Variants in RBKS observed in about 807,000 individuals in gnomAD.
RBKS encodes the protein ribokinase.
A neutral mutation model predicts 33.9 loss-of-function variants in RBKS; 33 were observed. The ratio of observed to expected loss-of-function variants is 0.97; its 90% CI spans 0.74 to 1.30. The LOEUF (loss-of-function observed/expected upper bound fraction) is 1.30. Ranked by LOEUF, RBKS falls within the 50% of genes most tolerant of loss-of-function variation. The pLI, the probability that RBKS is intolerant of heterozygous loss-of-function variation, is 0.00. For synonymous variants in RBKS, 125 were observed against 143.0 expected, an observed-to-expected ratio of 0.87 and a Z score of 0.90; for missense variants, 361 against 392.6, an observed-to-expected ratio of 0.92 and a Z score of 0.68.
chr2:27,791,613 TACACACACACACAC>T (rs59707075), intron 7 of RBKS, among the ~76,000 whole-genome samples: 1 of 140,968 alleles, frequency 7.1e-6, no homozygotes, highest in Non-Finnish European at 1.5e-5. Flanking sequence ...ATAATAAATC[TACACACACACACAC>T]ACACACACAC....
At chr2:27,862,240 G>A (rs1431116934) in intron 1 of RBKS, among the ~76,000 whole-genome samples, 5 of 152,032 alleles carry the variant, frequency 3.3e-5, no homozygotes, top group South Asian at 2.1e-4. Flanking sequence ...GTGAGCCACC[G>A]TGCCTGGCTG....
At chr2:27,831,209 G>A (rs1678408383) in intron 6 of RBKS, among the ~76,000 whole-genome samples, 1 of 151,682 alleles carries the variant, frequency 6.6e-6, no homozygotes, top group African/African-American at 2.4e-5. Context: ...CATTTTGGAG[G>A]TATTTTATTA....
intron 1 of RBKS, among the ~76,000 whole-genome samples, chr2:27,878,365 A>AT (rs1374834352): frequency 6.6e-6 from 1 of 150,982 alleles, no homozygotes; most frequent in African/African-American, 2.4e-5. Flanking sequence ...TGAACTCATC[A>AT]TTTTTTATGG....
At position 27,810,013 on chromosome 2, in the gene RBKS, T is replaced by C. The variant is rs774817927; in HGVS notation, c.795+17554A>G. On this transcript the variant is annotated intron_variant, in intron 7 of 7. Transcript: ENST00000302188. This position sits in a 1 kb window ranked among gnomAD's most constrained non-coding sequence, Gnocchi z 4.4. The stretch of plus-strand genomic sequence containing the variant: ...AATGTTTCTGCTTCTTCACACTTGC[T>C]GCTTCACTCTTGGGTCTTGAGCCAG... 1 of 1,304,344 alleles carries C rather than the reference T, an allele frequency of 7.7e-7. No individual in the cohort carries two copies. Among genetic ancestry groups the C allele is most frequent in the South Asian group, 1.2e-5 (1 of 81,024 alleles). 80.8% of individuals were successfully genotyped at this position (1,304,344 alleles called of 1,614,324 possible). A position where few individuals can be genotyped will look rare whatever the true frequency, so the allele number is the denominator to read the frequency against.
At chr2:27,785,936 G>A (rs934867728) in intron 7 of RBKS, among the ~76,000 whole-genome samples, 16 of 152,190 alleles carry the variant, frequency 1.1e-4, no homozygotes, top group African/African-American at 3.4e-4. Flanking sequence ...CCATCTGATT[G>A]TCTATCAAAT....
chr2:27,833,518 A>G (rs1678463888), intron 5 of RBKS, among the ~76,000 whole-genome samples: 1 of 152,118 alleles, frequency 6.6e-6, no homozygotes. Flanking sequence ...TATCATGGCC[A>G]TTTTTCAGAG....
chr2:27,810,541 G>A lies in RBKS; in HGVS notation c.795+17026C>T, dbSNP rs1421241075. Among the ~76,000 whole-genome samples the A allele has an allele frequency of 2.0e-5, 3 of 152,166 alleles. No homozygotes were observed. The highest frequency in any genetic ancestry group is 2.1e-4 in the South Asian group (1 of 4,828). ...ATCTGCAGAGAATCACTGATGACAG[G>A]AACTCTTTCTAGTGGGAGTAGGTTT... On this transcript the variant is annotated intron_variant, in intron 7 of 7. Transcript: ENST00000302188. This position sits in a 1 kb window ranked among gnomAD's most constrained non-coding sequence, Gnocchi z 4.4.
Position 27,832,658 on chromosome 2 carries a change from T to C in RBKS, c.606+28A>G, listed in dbSNP as rs560779270. On this transcript the variant is annotated intron_variant, in intron 6 of 7. Coordinates refer to ENST00000302188, the MANE Select transcript of RBKS (RefSeq NM_022128.3). ...ACTTGTACAAACTTTTGGTTTCTCA[T>C]AGAATGAGCAAAGCAATTCACCCTT... The C allele has an allele frequency of 2.7e-5, 40 of 1,505,646 alleles. No homozygotes were observed. The Middle Eastern group carries it at 5.1e-4, about 19-fold the overall frequency. 93.3% of individuals were successfully genotyped at this position (1,505,646 alleles called of 1,614,324 possible).
At chr2:27,836,612 C>T (rs1318232304) in intron 5 of RBKS, among the ~76,000 whole-genome samples, 1 of 152,046 alleles carries the variant, frequency 6.6e-6, no homozygotes, top group Non-Finnish European at 1.5e-5. Flanking sequence ...CTAAGTCCCC[C>T]AAAGCAACTG....
At chr2:27,886,041 T>G (rs1182971082) in intron 1 of RBKS, among the ~76,000 whole-genome samples, 1 of 152,244 alleles carries the variant, frequency 6.6e-6, no homozygotes, top group Non-Finnish European at 1.5e-5. Flanking sequence ...CCAGGGTTGA[T>G]TCCTTGTATC....
chr2:27,886,365 C>T (rs6716564), intron 1 of RBKS, among the ~76,000 whole-genome samples: 75 of 152,300 alleles, frequency 4.9e-4, no homozygotes, highest in African/African-American at 1.7e-3. Flanking sequence ...AAAGAATAGG[C>T]ATGCGTGTCC....
chr2:27,782,678 C>G (rs1291037961), intron 7 of RBKS: 1 of 447,566 alleles, frequency 2.2e-6, no homozygotes, highest in African/African-American at 2.0e-5. Context: ...GGTGTTAACC[C>G]TGGTCACCTG....
chr2:27,862,395 C>T (rs1664009831), intron 1 of RBKS, among the ~76,000 whole-genome samples: 1 of 152,090 alleles, frequency 6.6e-6, no homozygotes, highest in Non-Finnish European at 1.5e-5. Flanking sequence ...TTCTTATGCA[C>T]ATAAATACAT....
intron 1 of RBKS, among the ~76,000 whole-genome samples, chr2:27,881,405 G>A (rs1664414213): frequency 6.6e-6 from 1 of 152,088 alleles, no homozygotes; most frequent in African/African-American, 2.4e-5. Flanking sequence ...GCCAGCCGTA[G>A]TGGTGTGGGC....
intron 7 of RBKS, among the ~76,000 whole-genome samples, chr2:27,825,753 T>A (rs1678298989): frequency 6.6e-6 from 1 of 152,216 alleles, no homozygotes; most frequent in South Asian, 2.1e-4. Context: ...TTCTGCCATA[T>A]CTTTACACTT....
intron 6 of RBKS, among the ~76,000 whole-genome samples, chr2:27,828,952 G>T (rs1018961362): frequency 2.0e-5 from 3 of 152,098 alleles, no homozygotes; most frequent in African/African-American, 7.2e-5. Context: ...GAGTGCTGTG[G>T]CATGATCATA....
chr2:27,794,569 A>G (rs1035270283), intron 7 of RBKS, among the ~76,000 whole-genome samples: 1 of 151,262 alleles, frequency 6.6e-6, no homozygotes. Flanking sequence ...GAACTAGACA[A>G]TGACACCCCC....
At chr2:27,882,351 G>T (rs1055768351) in intron 1 of RBKS, among the ~76,000 whole-genome samples, 1 of 152,136 alleles carries the variant, frequency 6.6e-6, no homozygotes, top group Non-Finnish European at 1.5e-5. Flanking sequence ...GATCATTAGC[G>T]AAATACAAAT....
intron 7 of RBKS, among the ~76,000 whole-genome samples, chr2:27,790,412 C>A (rs76264925): frequency 0.034 from 5,247 of 152,126 alleles, 303 homozygotes; most frequent in African/African-American, 0.12. Context: ...TCTTAGGACA[C>A]CAAAAGCACA....
Sources: allele counts gnomAD v4.1 joint callset (sites outside exome capture counted in the v4.1 genomes callset), GRCh38; gene constraint gnomAD v4.1.1; non-coding constraint Gnocchi (gnomAD v3.1); transcripts MANE v1.5; gene names NCBI Gene and HGNC (gene_info 2026-07-23, HGNC 2026-07-21).